Variants in TRPS1 observed in about 807,000 individuals in gnomAD.
TRPS1 encodes zinc finger transcription factor Trps1.
TRPS1 carries 6 observed loss-of-function variants against 101.2 expected under a neutral mutation model. That is an observed-to-expected ratio of 0.06 (90% CI 0.03 to 0.12). The LOEUF is 0.12. Ranked by LOEUF, TRPS1 falls within the 10% of genes least tolerant of loss-of-function variation. TRPS1 has a pLI of 1.00. For missense variants in TRPS1, 1,363 were observed against 1,567.0 expected (o/e 0.87, Z 2.20); for synonymous variants, 578 against 589.8 (o/e 0.98, Z 0.29).
intron 5 of TRPS1, among the ~76,000 whole-genome samples, chr8:115,542,984 G>A (rs1816488601): frequency 6.6e-6 from 1 of 151,956 alleles, no homozygotes; most frequent in Non-Finnish European, 1.5e-5. Flanking sequence ...TTTTATACTT[G>A]CAAAAAGCAG....
rs558225641 is a variant in TRPS1, at chr8:115,666,814, G to T, written c.-122+1731C>A. ...AGAGTTATCATTTCTTTGTAATTTT[G>T]TCTCAGGCCCTATCTGTATTTTTCT... On this transcript the variant is annotated intron_variant, in intron 1 of 6. Coordinates refer to ENST00000395715, the MANE Select transcript of TRPS1 (RefSeq NM_014112.5). Among the ~76,000 whole-genome samples, 12 of 152,224 alleles carry T rather than the reference G, an allele frequency of 7.9e-5. No individual in the cohort carries two copies. In the East Asian group the frequency reaches 2.1e-3, roughly 27 times the overall value.
chr8:115,528,365 C>T (rs546967018), intron 5 of TRPS1, among the ~76,000 whole-genome samples: 4 of 152,064 alleles, frequency 2.6e-5, no homozygotes, highest in South Asian at 4.1e-4. Context: ...TTGAGTTATA[C>T]GCTACCTCTC....
intron 5 of TRPS1, among the ~76,000 whole-genome samples, chr8:115,449,411 A>G (rs1371281733): frequency 6.6e-6 from 1 of 152,214 alleles, no homozygotes; most frequent in Non-Finnish European, 1.5e-5. Context: ...GGGGAAACTA[A>G]CAGTCCATTC....
chr8:115,455,680 C>T (rs1485366873), intron 5 of TRPS1, among the ~76,000 whole-genome samples: 3 of 151,978 alleles, frequency 2.0e-5, no homozygotes, highest in Non-Finnish European at 4.4e-5. Context: ...CCACAACTGG[C>T]TTCAAACCTG....
intron 5 of TRPS1, among the ~76,000 whole-genome samples, chr8:115,573,603 C>T (rs1028273839): frequency 2.6e-5 from 4 of 152,162 alleles, no homozygotes; most frequent in Admixed American, 2.6e-4. Flanking sequence ...CACCTCCTTT[C>T]CATGTCAACC....
At position 115,442,128 on chromosome 8, in the gene TRPS1, T is replaced by A. The variant is rs543467292; in HGVS notation, c.2701-23676A>T. Among the ~76,000 whole-genome samples the A allele has an allele frequency of 1.3e-4, 20 of 152,264 alleles. No individual in the cohort carries two copies. In the South Asian group the frequency reaches 3.9e-3, roughly 30 times the overall value. ...TTTTCTGGGTAAAACTGAGTAAAAA[T>A]TATTGTTGTAAAGTTCATTATTTAG... On this transcript the variant is annotated intron_variant, in intron 5 of 6. Coordinates refer to ENST00000395715, the MANE Select transcript of TRPS1 (RefSeq NM_014112.5).
At chr8:115,548,311 T>C (rs1394926215) in intron 5 of TRPS1, among the ~76,000 whole-genome samples, 2 of 152,076 alleles carry the variant, frequency 1.3e-5, no homozygotes, top group African/African-American at 4.8e-5. Flanking sequence ...ATCAACAACA[T>C]TCATTTTTTT....
chr8:115,653,793 G>T (rs903323140), intron 1 of TRPS1, among the ~76,000 whole-genome samples: 2 of 152,168 alleles, frequency 1.3e-5, no homozygotes, highest in South Asian at 2.1e-4. Flanking sequence ...ACTGAACGGG[G>T]TTCAAATACA....
intron 5 of TRPS1, among the ~76,000 whole-genome samples, chr8:115,533,754 A>T (rs1229279808): frequency 1.3e-5 from 2 of 152,030 alleles, no homozygotes; most frequent in Non-Finnish European, 2.9e-5. Context: ...CTGGGAGTCC[A>T]GGATTAAGGT....
At chr8:115,561,595 T>C (rs1266515968) in intron 5 of TRPS1, among the ~76,000 whole-genome samples, 2 of 152,104 alleles carry the variant, frequency 1.3e-5, no homozygotes, top group South Asian at 2.1e-4. Flanking sequence ...AATTTTACCC[T>C]CGGTAACCTT....
chr8:115,614,431 T>G (rs983791089), intron 3 of TRPS1, among the ~76,000 whole-genome samples: 1 of 152,182 alleles, frequency 6.6e-6, no homozygotes, highest in Non-Finnish European at 1.5e-5. Flanking sequence ...GTCATGCAGG[T>G]AAAGGGATTA....
chr8:115,597,192 C>A (rs1442530077), intron 4 of TRPS1, among the ~76,000 whole-genome samples: 1 of 151,864 alleles, frequency 6.6e-6, no homozygotes, highest in Non-Finnish European at 1.5e-5. Flanking sequence ...TATGTAGTCA[C>A]TGGGAATATG....
chr8:115,508,554 T>C (rs939643160), intron 5 of TRPS1, among the ~76,000 whole-genome samples: 4 of 151,994 alleles, frequency 2.6e-5, no homozygotes, highest in Admixed American at 2.6e-4. Context: ...TCAGTTTGCT[T>C]TCCTCGATCA....
intron 5 of TRPS1, among the ~76,000 whole-genome samples, chr8:115,535,609 C>G (rs182921761): frequency 6.6e-6 from 1 of 150,400 alleles, no homozygotes; most frequent in Non-Finnish European, 1.5e-5. Flanking sequence ...CCCCTGTAAT[C>G]CCAGCACTTT....
chr8:115,580,825 G>A (rs1345051458), intron 5 of TRPS1, among the ~76,000 whole-genome samples: 1 of 151,994 alleles, frequency 6.6e-6, no homozygotes, highest in East Asian at 1.9e-4. Flanking sequence ...AGCCACTATG[G>A]AGAACAGTAT....
intron 5 of TRPS1, among the ~76,000 whole-genome samples, chr8:115,556,572 C>A (rs1349609963): frequency 6.6e-6 from 1 of 152,146 alleles, no homozygotes; most frequent in African/African-American, 2.4e-5. Context: ...ATGGCAAATG[C>A]CATTCCTGTG....
chr8:115,442,225 C>T (rs575969943), intron 5 of TRPS1, among the ~76,000 whole-genome samples: 5 of 152,212 alleles, frequency 3.3e-5, no homozygotes, highest in East Asian at 1.9e-4. Context: ...TATATAGATT[C>T]GCTGGTATTA....
intron 5 of TRPS1, among the ~76,000 whole-genome samples, chr8:115,563,108 C>A (rs1294337038): frequency 3.3e-5 from 5 of 151,964 alleles, no homozygotes; most frequent in Non-Finnish European, 5.9e-5. Flanking sequence ...CACACTCTAC[C>A]CACTAGCAAT....
intron 5 of TRPS1, among the ~76,000 whole-genome samples, chr8:115,507,434 C>T (rs894338550): frequency 5.9e-5 from 9 of 151,986 alleles, no homozygotes; most frequent in Non-Finnish European, 8.8e-5. Context: ...TGTTACTCCT[C>T]GGCTGAAGCC....
Sources: allele counts gnomAD v4.1 joint callset (sites outside exome capture counted in the v4.1 genomes callset), GRCh38; gene constraint gnomAD v4.1.1; transcripts MANE v1.5; gene names NCBI Gene and HGNC (gene_info 2026-07-23, HGNC 2026-07-21).